Variants in GNAQ observed in about 807,000 individuals in gnomAD.
GNAQ encodes guanine nucleotide-binding protein G(q) subunit alpha.
A neutral mutation model predicts 43.9 loss-of-function variants in GNAQ; 8 were observed. That is an observed-to-expected ratio of 0.18 (90% CI 0.11 to 0.33). The LOEUF (loss-of-function observed/expected upper bound fraction) is 0.33, where lower values mean the gene tolerates loss of function less well. Among genes scored for constraint, GNAQ ranks in the 10% least tolerant of loss-of-function variants. The pLI is 1.00. For missense variants in GNAQ, 158 were observed against 450.8 expected (o/e 0.35, Z 5.88); for synonymous variants, 155 against 170.7 (o/e 0.91, Z 0.71).
chr9:78,020,422 A>C (rs1031181424), intron 1 of GNAQ, among the ~76,000 whole-genome samples: 3 of 152,166 alleles, frequency 2.0e-5, no homozygotes, highest in Non-Finnish European at 4.4e-5. Context: ...ATGCTCACCT[A>C]TTTAACCACC....
At chr9:77,774,929 T>A (rs947953334) in intron 5 of GNAQ, among the ~76,000 whole-genome samples, 3 of 152,214 alleles carry the variant, frequency 2.0e-5, no homozygotes, top group African/African-American at 4.8e-5. Flanking sequence ...ACCCCAACTA[T>A]TCAGAAATAA....
chr9:77,926,683 G>C (rs1301500554), intron 1 of GNAQ, among the ~76,000 whole-genome samples: 1 of 152,084 alleles, frequency 6.6e-6, no homozygotes, highest in African/African-American at 2.4e-5. Context: ...ACACACACAA[G>C]GGTGTGAGTC....
intron 2 of GNAQ, among the ~76,000 whole-genome samples, chr9:77,824,383 TA>T (rs1225085691): frequency 6.6e-6 from 1 of 152,186 alleles, no homozygotes; most frequent in Non-Finnish European, 1.5e-5. Context: ...TGGAAAGACA[TA>T]AATATCTCAG....
chr9:77,962,784 C>T (rs1323025513), intron 1 of GNAQ, among the ~76,000 whole-genome samples: 1 of 149,148 alleles, frequency 6.7e-6, no homozygotes, highest in African/African-American at 2.5e-5. Context: ...CCCAGCTACT[C>T]GGGAGGCTGA....
intron 1 of GNAQ, among the ~76,000 whole-genome samples, chr9:77,967,897 T>C (rs990096250): frequency 6.6e-6 from 1 of 152,028 alleles, no homozygotes; most frequent in African/African-American, 2.4e-5. Context: ...GGAGAATCGC[T>C]TGAACTTGGG....
chr9:77,915,054 T>C (rs1169683842), intron 2 of GNAQ, among the ~76,000 whole-genome samples: 2 of 152,196 alleles, frequency 1.3e-5, no homozygotes, highest in Non-Finnish European at 2.9e-5. Flanking sequence ...GCATCATCTC[T>C]TTTTTAGAGT....
Position 77,842,412 on chromosome 9 carries a change from TA to T in GNAQ, c.322-26643del, listed in dbSNP as rs375643663. Among the ~76,000 whole-genome samples the T allele has an allele frequency of 7.1e-4, 108 of 152,244 alleles. No homozygotes were observed. In the South Asian group the frequency reaches 0.021, roughly 30 times the overall value. On this transcript the variant is annotated intron_variant, in intron 2 of 6. Coordinates refer to ENST00000286548, the MANE Select transcript of GNAQ (RefSeq NM_002072.5). ...AAACAACATTCCTTGGCTGAGAAAA[TA>T]AATTGGTTTTCATCAAAACCAGTTC...
intron 1 of GNAQ, among the ~76,000 whole-genome samples, chr9:77,997,114 G>A (rs1313911517): frequency 6.6e-6 from 1 of 152,202 alleles, no homozygotes; most frequent in Non-Finnish European, 1.5e-5. Flanking sequence ...TAATGTTGAA[G>A]TCAAGATTCA....
intron 1 of GNAQ, among the ~76,000 whole-genome samples, chr9:77,992,714 G>A (rs1174923662): frequency 6.6e-6 from 1 of 152,078 alleles, no homozygotes; most frequent in Non-Finnish European, 1.5e-5. Flanking sequence ...GAGGCTGAAG[G>A]CGGGTGGATC....
At chr9:77,800,884 T>C (rs1826734527) in intron 3 of GNAQ, among the ~76,000 whole-genome samples, 1 of 152,166 alleles carries the variant, frequency 6.6e-6, no homozygotes, top group Non-Finnish European at 1.5e-5. Context: ...AACTACTGTA[T>C]ACAAAAACTT....
intron 5 of GNAQ, among the ~76,000 whole-genome samples, chr9:77,789,289 T>C (rs1826529818): frequency 6.6e-6 from 1 of 152,156 alleles, no homozygotes; most frequent in Non-Finnish European, 1.5e-5. Flanking sequence ...TAACTTCAGT[T>C]CATCAAAAGA....
intron 5 of GNAQ, among the ~76,000 whole-genome samples, chr9:77,738,651 G>T (rs570651498): frequency 1.3e-5 from 2 of 152,154 alleles, no homozygotes; most frequent in South Asian, 4.2e-4. Flanking sequence ...TACCATTGTT[G>T]TCTCACTCAG....
chr9:77,870,896 T>C (rs927327454), intron 2 of GNAQ, among the ~76,000 whole-genome samples: 11 of 152,104 alleles, frequency 7.2e-5, no homozygotes, highest in Non-Finnish European at 1.2e-4. Context: ...ATTCCATTCC[T>C]ATGGAATTTG....
chr9:77,832,594 T>G (rs1488670395), intron 2 of GNAQ, among the ~76,000 whole-genome samples: 1 of 152,220 alleles, frequency 6.6e-6, no homozygotes, highest in Non-Finnish European at 1.5e-5. Flanking sequence ...TTGGTAGTAC[T>G]CAAAACTATA....
chr9:77,944,790 A>T (rs1260464465), intron 1 of GNAQ, among the ~76,000 whole-genome samples: 1 of 152,242 alleles, frequency 6.6e-6, no homozygotes, highest in Non-Finnish European at 1.5e-5. Flanking sequence ...GTGATTCCAT[A>T]ATTACCTGTT....
chr9:77,733,289 A>T (rs1041529973), intron 5 of GNAQ, among the ~76,000 whole-genome samples: 1 of 152,142 alleles, frequency 6.6e-6, no homozygotes, highest in Admixed American at 6.5e-5. Flanking sequence ...TCTCAAATCA[A>T]TTCTCAAGAT....
chr9:77,946,182 C>T (rs1360877435), intron 1 of GNAQ, among the ~76,000 whole-genome samples: 1 of 152,070 alleles, frequency 6.6e-6, no homozygotes, highest in East Asian at 1.9e-4. Context: ...AAGAGAGAAG[C>T]AACAGGAACT....
intron 1 of GNAQ, among the ~76,000 whole-genome samples, chr9:77,985,749 G>A (rs1309458576): frequency 6.6e-6 from 1 of 151,904 alleles, no homozygotes. Flanking sequence ...ACCACACCCG[G>A]CTAATTTTTT....
At chr9:77,978,616 A>AT (rs1228215093) in intron 1 of GNAQ, among the ~76,000 whole-genome samples, 1 of 152,230 alleles carries the variant, frequency 6.6e-6, no homozygotes, top group African/African-American at 2.4e-5. Context: ...TTGTGTAAAT[A>AT]TTACCTCCCA....
Sources: allele counts gnomAD v4.1 joint callset (sites outside exome capture counted in the v4.1 genomes callset), GRCh38; gene constraint gnomAD v4.1.1; transcripts MANE v1.5; gene names NCBI Gene and HGNC (gene_info 2026-07-23, HGNC 2026-07-21).